ZPLD1: variants seen among roughly 807,000 people sequenced by gnomAD.
ZPLD1 encodes the protein zona pellucida like domain containing 1, also known as zona pellucida-like domain-containing protein 1.
In ZPLD1, 34 loss-of-function variants were observed where a neutral mutation model predicts 47.2. The observed-to-expected ratio is 0.72, with a 90% CI of 0.55 to 0.96. The LOEUF (loss-of-function observed/expected upper bound fraction) is 0.96. Among genes scored for constraint, ZPLD1 ranks in the 40% least tolerant of loss-of-function variants. ZPLD1 has a pLI of 0.00. For synonymous variants in ZPLD1, 176 were observed against 186.2 expected, an observed-to-expected ratio of 0.95 and a Z score of 0.45; for missense variants, 512 against 505.8, an observed-to-expected ratio of 1.01 and a Z score of -0.12.
In ZPLD1 at chr3:102,386,386, A is replaced by G. The variant is rs184314944; in HGVS notation, c.-213+1069A>G. On this transcript the variant is annotated intron_variant, in intron 6 of 17. Transcript: ENST00000491959. Reference sequence around the variant, plus strand: ...GCCCCAGTGGGTTACTCTCCATTCTATAAATTCTACATTTCTAAGAATACA... The same window carrying G: ...GCCCCAGTGGGTTACTCTCCATTCTGTAAATTCTACATTTCTAAGAATACA... Among the ~76,000 whole-genome samples the G allele has an allele frequency of 4.6e-3, 693 of 150,934 alleles. 8 individuals carry two copies. The highest frequency in any genetic ancestry group is 7.2e-3 in the Non-Finnish European group (491 of 67,878).
chr3:102,441,885 A>C (rs1451478446), intron 3 of ZPLD1, among the ~76,000 whole-genome samples: 2 of 152,134 alleles, frequency 1.3e-5, no homozygotes, highest in Non-Finnish European at 2.9e-5. Flanking sequence ...CCAGAGGAAA[A>C]AGTAACTTCT....
intron 7 of ZPLD1, among the ~76,000 whole-genome samples, chr3:102,410,751 G>A (rs1191097906): frequency 1.3e-5 from 2 of 151,740 alleles, no homozygotes; most frequent in Admixed American, 1.3e-4. Flanking sequence ...AAGTGCATAG[G>A]AAACCTGCTG....
chr3:102,429,216 C>A (rs571231786), intron 8 of ZPLD1, among the ~76,000 whole-genome samples: 9 of 152,276 alleles, frequency 5.9e-5, no homozygotes, highest in African/African-American at 2.2e-4. Context: ...TGTTTAACAT[C>A]CCTTAGATGC....
chr3:102,432,212 G>A (rs1288016390), upstream of ZPLD1, among the ~76,000 whole-genome samples: 1 of 152,160 alleles, frequency 6.6e-6, no homozygotes, highest in Non-Finnish European at 1.5e-5. Context: ...TTTCTGCAGA[G>A]CAGGTTTGAG....
intron 7 of ZPLD1, among the ~76,000 whole-genome samples, chr3:102,398,714 C>T (rs1288885657): frequency 1.3e-5 from 2 of 152,078 alleles, no homozygotes; most frequent in African/African-American, 4.8e-5. Flanking sequence ...ATCTTCACAC[C>T]ACCATGAGCA....
At chr3:102,450,024 A>G (rs1277713830) in intron 3 of ZPLD1, among the ~76,000 whole-genome samples, 1 of 152,192 alleles carries the variant, frequency 6.6e-6, no homozygotes, top group Non-Finnish European at 1.5e-5. Flanking sequence ...AAAATATACA[A>G]ATACATATAT....
intron 7 of ZPLD1, among the ~76,000 whole-genome samples, chr3:102,394,615 A>T (rs1457695830): frequency 1.3e-5 from 2 of 152,188 alleles, no homozygotes; most frequent in Admixed American, 6.5e-5. Context: ...TAGCTTTCCA[A>T]AGAAGTTATT....
chr3:102,438,048 A>C (rs898962276), intron 2 of ZPLD1, among the ~76,000 whole-genome samples: 3 of 152,330 alleles, frequency 2.0e-5, no homozygotes, highest in Admixed American at 2.0e-4. Context: ...GATTCCTCTT[A>C]GAATCAAGTA....
At chr3:102,414,776 A>T (rs1019184082) in intron 7 of ZPLD1, among the ~76,000 whole-genome samples, 1 of 151,874 alleles carries the variant, frequency 6.6e-6, no homozygotes, top group Admixed American at 6.6e-5. Flanking sequence ...TACCCAAAAA[A>T]AACAAACAGA....
intron 7 of ZPLD1, among the ~76,000 whole-genome samples, chr3:102,393,949 C>T (rs1331331143): frequency 6.6e-6 from 1 of 152,040 alleles, no homozygotes; most frequent in Non-Finnish European, 1.5e-5. Context: ...TGCTGTGGAG[C>T]TTTAATTTTT....
intron 7 of ZPLD1, among the ~76,000 whole-genome samples, chr3:102,392,690 C>T (rs1476773869): frequency 6.6e-6 from 1 of 152,092 alleles, no homozygotes; most frequent in Non-Finnish European, 1.5e-5. Context: ...TTTAAGAGGG[C>T]AGAGTCCTCA....
chr3:102,424,357 A>G (rs1489722097), intron 8 of ZPLD1, among the ~76,000 whole-genome samples: 1 of 152,162 alleles, frequency 6.6e-6, no homozygotes, highest in Non-Finnish European at 1.5e-5. Context: ...TTCACAAATG[A>G]ATGTCCTATA....
chr3:102,477,508 A>T lies in ZPLD1; in HGVS notation c.1138A>T (p.Ile380Phe). The T allele has an allele frequency of 6.2e-7, 1 of 1,613,868 alleles. No individual in the cohort carries two copies. Among genetic ancestry groups the T allele is most frequent in the Admixed American group, 1.7e-5 (1 of 60,008 alleles). The change falls in exon 12 of 12, where the codon ATT becomes TTT. Residue 380 changes from isoleucine (I) to phenylalanine (F), a missense_variant. Physicochemically the swap from Ile to Phe is conservative, Grantham distance 21. Transcript: ENST00000466937. ...CAGCGCACTGATATCAGGAATGGTC[A>T]TTCTGGGAGTTACGAGCTTTTCTCT... ...ITSALISGMVILGVTSFSLLL... is the reference protein window; with the variant it reads ...ITSALISGMVFLGVTSFSLLL...
chr3:102,401,735 T>C (rs890199498), intron 7 of ZPLD1, among the ~76,000 whole-genome samples: 7 of 152,088 alleles, frequency 4.6e-5, no homozygotes, highest in African/African-American at 1.7e-4. Context: ...AAGAAAACCA[T>C]TGTGTAGAAT....
In ZPLD1 at chr3:102,416,265, G is replaced by A. The variant is rs530502644; in HGVS notation, c.-156-1795G>A. On this transcript the variant is annotated intron_variant, in intron 7 of 17. Coordinates refer to the ZPLD1 transcript ENST00000491959. ...TTTATATTTTCCTTGCTGAAAGCCTGTAATGGAATTACTACTGTCTTTTTA... is the reference window on the plus strand; with the variant it reads ...TTTATATTTTCCTTGCTGAAAGCCTATAATGGAATTACTACTGTCTTTTTA... Among the ~76,000 whole-genome samples the A allele has an allele frequency of 5.3e-5, 8 of 151,984 alleles. No individual in the cohort carries two copies. The East Asian group carries it at 7.8e-4, about 15-fold the overall frequency.
chr3:102,437,306 G>A (rs1484876373), intron 2 of ZPLD1, among the ~76,000 whole-genome samples: 4 of 152,182 alleles, frequency 2.6e-5, no homozygotes, highest in African/African-American at 9.7e-5. Flanking sequence ...TTGAGAGTGA[G>A]CATGACTTTC....
chr3:102,457,863 T>C lies in ZPLD1; in HGVS notation c.582+10T>C. 1.2e-6 allele frequency: 2 copies of C among 1,613,586 alleles called. No individual in the cohort carries two copies. Among genetic ancestry groups the C allele is most frequent in the Non-Finnish European group, 1.7e-6 (2 of 1,179,598 alleles). ...CCTGCTCCTTTATAACGTAAGTTGATGGGTGAAGGATGTTATTTTCTCTTT... is the reference window on the plus strand; with the variant it reads ...CCTGCTCCTTTATAACGTAAGTTGACGGGTGAAGGATGTTATTTTCTCTTT... On this transcript the variant is annotated intron_variant, in intron 6 of 11. Coordinates refer to ENST00000466937, the MANE Select transcript of ZPLD1 (RefSeq NM_001329788.2).
intron 3 of ZPLD1, among the ~76,000 whole-genome samples, chr3:102,439,467 T>A (rs1044319389): frequency 6.6e-6 from 1 of 152,124 alleles, no homozygotes; most frequent in Non-Finnish European, 1.5e-5. Flanking sequence ...AAGTGCTTGG[T>A]TTGTTAGTAA....
intron 3 of ZPLD1, 89 bp downstream of exon 3, chr3:102,438,682 G>A: frequency 1.1e-6 from 1 of 922,026 alleles, no homozygotes; most frequent in Admixed American, 2.5e-5. Context: ...ATGGAGAACG[G>A]GGGGCTATCT....
Sources: allele counts gnomAD v4.1 joint callset (sites outside exome capture counted in the v4.1 genomes callset), GRCh38; gene constraint gnomAD v4.1.1; transcripts MANE v1.5; gene names NCBI Gene and HGNC (gene_info 2026-07-23, HGNC 2026-07-21).